The following CAMTA1 variants were observed in gnomAD, a reference collection of about 807,000 sequenced individuals.
CAMTA1 encodes calmodulin-binding transcription activator 1.
CAMTA1 carries 27 observed loss-of-function variants against 170.9 expected under a neutral mutation model. That is an observed-to-expected ratio of 0.16 (90% confidence interval 0.12 to 0.22). The LOEUF (loss-of-function observed/expected upper bound fraction) is 0.22. CAMTA1 is among the 10% of genes least tolerant of loss of function. The pLI, the probability that CAMTA1 is intolerant of heterozygous loss-of-function variation, is 1.00. For synonymous variants in CAMTA1, 833 were observed against 891.5 expected (o/e 0.93, Z 1.17); for missense variants, 1,619 against 2,217.2 (o/e 0.73, Z 5.42).
chr1:7,414,130 T>C (rs1376702341), intron 5 of CAMTA1, among the ~76,000 whole-genome samples: 2 of 152,240 alleles, frequency 1.3e-5, no homozygotes, highest in Non-Finnish European at 2.9e-5. Context: ...GTGGATAAGC[T>C]TTTTGATGTG....
At position 7,173,368 on chromosome 1, in the gene CAMTA1, T is replaced by A. The variant is rs1650073773; in HGVS notation, c.303-76123T>A. ...CGCTGGCTCCCTTCTTAAATTTTTGTGGAACTGTGGGAACACACAGTTTAA... is the reference window on the plus strand; with the variant it reads ...CGCTGGCTCCCTTCTTAAATTTTTGAGGAACTGTGGGAACACACAGTTTAA... On this transcript the variant is annotated intron_variant, in intron 4 of 22. Coordinates refer to ENST00000303635, the MANE Select transcript of CAMTA1 (RefSeq NM_015215.4). This position sits in a 1 kb window ranked among gnomAD's most constrained non-coding sequence, Gnocchi z 5.4. Among the ~76,000 whole-genome samples the A allele has an allele frequency of 6.6e-6, 1 of 152,098 alleles. No homozygotes were observed. The highest frequency in any genetic ancestry group is 6.5e-5 in the Admixed American group (1 of 15,274).
At chr1:7,270,420 G>A (rs1309777140) in intron 5 of CAMTA1, among the ~76,000 whole-genome samples, 1 of 150,740 alleles carries the variant, frequency 6.6e-6, no homozygotes, top group Non-Finnish European at 1.5e-5. Context: ...TCACCCTCCC[G>A]AGTAGCTGGG....
At chr1:7,612,063 T>C (rs2095527620) in intron 6 of CAMTA1, among the ~76,000 whole-genome samples, 1 of 152,224 alleles carries the variant, frequency 6.6e-6, no homozygotes, top group African/African-American at 2.4e-5. Context: ...TAATGCTGTT[T>C]TGGCAGTTGC....
rs1262868234 is a variant in CAMTA1, at chr1:7,685,666, G to A, written c.2914+7933G>A. The stretch of plus-strand genomic sequence containing the variant: ...TGACTACTCTCTTCTCCCTGCCCAC[G>A]CTCCCTGAGGGCTTCTTCCCAGCCA... On this transcript the variant is annotated intron_variant, in intron 11 of 22. Coordinates refer to ENST00000303635, the MANE Select transcript of CAMTA1 (RefSeq NM_015215.4). This position sits in a 1 kb window ranked among gnomAD's most constrained non-coding sequence, Gnocchi z 5.7. Among the ~76,000 whole-genome samples the A allele has an allele frequency of 6.6e-6, 1 of 151,988 alleles. No individual in the cohort carries two copies. Among genetic ancestry groups the A allele is most frequent in the Non-Finnish European group, 1.5e-5 (1 of 68,012 alleles).
At chr1:7,688,116 C>T (rs2096274796) in intron 11 of CAMTA1, among the ~76,000 whole-genome samples, 1 of 145,750 alleles carries the variant, frequency 6.9e-6, no homozygotes, top group Non-Finnish European at 1.5e-5. Context: ...TCAGGTGATT[C>T]TCCTGCCTCA....
chr1:7,738,133 G>C lies in CAMTA1; in HGVS notation c.3833G>C (p.Ser1278Thr). 1 of 1,614,144 alleles carries C rather than the reference G, an allele frequency of 6.2e-7. No individual in the cohort carries two copies. The highest frequency in any genetic ancestry group is 8.5e-7 in the Non-Finnish European group (1 of 1,180,016). ...EEPNIRKQSP[S>T]SKQSVPETLS... ...CCAAATATCAGGAAGCAAAGCCCTA[G>C]TTCTAAGCAGTCTGTCCCCGAGACA... The change falls in exon 16 of 23, where the codon AGT becomes ACT. Residue 1278 changes from serine (S) to threonine (T), a missense_variant. Ser to Thr is a moderately conservative substitution (Grantham distance 58). Transcript: ENST00000303635. The surrounding 1 kb of genome is among the most constrained non-coding windows in gnomAD (Gnocchi z 4.9).
chr1:7,685,368 G>A lies in CAMTA1; in HGVS notation c.2914+7635G>A, dbSNP rs900965763. 3.3e-5 allele frequency among the ~76,000 whole-genome samples: 5 copies of A among 152,258 alleles called. No homozygotes were observed. The South Asian group carries it at 6.2e-4, about 19-fold the overall frequency. On this transcript the variant is annotated intron_variant, in intron 11 of 22. Coordinates refer to ENST00000303635, the MANE Select transcript of CAMTA1 (RefSeq NM_015215.4). The surrounding 1 kb of genome is among the most constrained non-coding windows in gnomAD (Gnocchi z 5.7). ...CGGCCATGGGGCAGCAGGATAGGGC[G>A]GCCTCCCACAGCCACCTGCCATGAA...
At chr1:7,584,658 G>T (rs1399112547) in intron 6 of CAMTA1, among the ~76,000 whole-genome samples, 3 of 152,192 alleles carry the variant, frequency 2.0e-5, no homozygotes, top group Middle Eastern at 3.2e-3. Context: ...CCCCCATGGG[G>T]TTTATATTTC....
At chr1:7,498,052 AAG>A (rs1163430186) in intron 6 of CAMTA1, among the ~76,000 whole-genome samples, 1 of 151,984 alleles carries the variant, frequency 6.6e-6, no homozygotes, top group Non-Finnish European at 1.5e-5. Flanking sequence ...TCCTTATGGA[AAG>A]AGGGGGTGAG....
intron 4 of CAMTA1, among the ~76,000 whole-genome samples, chr1:7,103,866 C>CCT (rs1643187305): frequency 6.7e-6 from 1 of 148,510 alleles, no homozygotes; most frequent in Admixed American, 6.7e-5. Flanking sequence ...CACATACACA[C>CCT]ACACACAACT....
chr1:7,651,548 G>C (rs149746904), intron 7 of CAMTA1, among the ~76,000 whole-genome samples: 1 of 152,228 alleles, frequency 6.6e-6, no homozygotes, highest in African/African-American at 2.4e-5. Flanking sequence ...CTGTCTCCTC[G>C]TCCAATTCCT....
chr1:7,020,743 G>A (rs1701222663), intron 3 of CAMTA1, among the ~76,000 whole-genome samples: 1 of 152,206 alleles, frequency 6.6e-6, no homozygotes, highest in Non-Finnish European at 1.5e-5. Context: ...TGATGACATG[G>A]GGAAGGACCA....
At chr1:6,981,279 G>A (rs1572195913) in intron 3 of CAMTA1, among the ~76,000 whole-genome samples, 1 of 152,116 alleles carries the variant, frequency 6.6e-6, no homozygotes. Context: ...TCTAATAGTA[G>A]CACGTGCTCC....
chr1:7,391,684 C>T (rs980201274), intron 5 of CAMTA1, among the ~76,000 whole-genome samples: 2 of 152,138 alleles, frequency 1.3e-5, no homozygotes, highest in Admixed American at 1.3e-4. Context: ...GTACTCCAGC[C>T]TCTGGGAATG....
chr1:7,741,289 C>T (rs915121279), intron 16 of CAMTA1, among the ~76,000 whole-genome samples: 15 of 152,090 alleles, frequency 9.9e-5, no homozygotes, highest in African/African-American at 2.7e-4. Flanking sequence ...GTTGGCCGGG[C>T]GCGGTGGCTC....
intron 3 of CAMTA1, among the ~76,000 whole-genome samples, chr1:6,969,378 G>A (rs1692135788): frequency 6.6e-6 from 1 of 152,208 alleles, no homozygotes; most frequent in Non-Finnish European, 1.5e-5. Context: ...GGCCAGGTTG[G>A]GGGAGTGAGC....
intron 6 of CAMTA1, among the ~76,000 whole-genome samples, chr1:7,486,488 G>A (rs1352003590): frequency 6.6e-6 from 1 of 152,182 alleles, no homozygotes; most frequent in Non-Finnish European, 1.5e-5. Flanking sequence ...ATGCCTTAAG[G>A]AATGAAAGGC....
At chr1:7,107,059 C>T (rs991571534) in intron 4 of CAMTA1, among the ~76,000 whole-genome samples, 1 of 151,974 alleles carries the variant, frequency 6.6e-6, no homozygotes, top group African/African-American at 2.4e-5. Flanking sequence ...CCTCGAAATG[C>T]AATTCCATAA....
intron 6 of CAMTA1, among the ~76,000 whole-genome samples, chr1:7,582,701 A>G (rs1267728141): frequency 6.6e-6 from 1 of 152,048 alleles, no homozygotes; most frequent in African/African-American, 2.4e-5. Context: ...CCTCCTTTTA[A>G]GAACACTTCC....
Sources: allele counts gnomAD v4.1 joint callset (sites outside exome capture counted in the v4.1 genomes callset), GRCh38; gene constraint gnomAD v4.1.1; non-coding constraint Gnocchi (gnomAD v3.1); transcripts MANE v1.5; gene names NCBI Gene and HGNC (gene_info 2026-07-23, HGNC 2026-07-21).